Variants in FRAS1 observed in about 807,000 individuals in gnomAD.
The protein encoded by FRAS1 is extracellular matrix organizing protein FRAS1.
Under a neutral mutation model 435.2 loss-of-function variants are expected in FRAS1, and 290 were observed. That is an observed-to-expected ratio of 0.67 (90% CI 0.61 to 0.73). The LOEUF (loss-of-function observed/expected upper bound fraction) is 0.73, where lower values mean the gene tolerates loss of function less well. Among genes scored for constraint, FRAS1 ranks in the 30% least tolerant of loss-of-function variants. The probability of loss-of-function intolerance (pLI) is 0.00; values close to 1 mark genes in which losing one functional copy is unlikely to be tolerated. For missense variants in FRAS1, 4,860 were observed against 5,001.5 expected, an observed-to-expected ratio of 0.97 and a Z score of 0.85; for synonymous variants, 1,800 against 1,851.0, an observed-to-expected ratio of 0.97 and a Z score of 0.71.
chr4:78,497,391 TA>T (rs5859628), intron 60 of FRAS1, among the ~76,000 whole-genome samples: 24,145 of 146,034 alleles, frequency 0.17, 1,953 homozygotes, highest in Middle Eastern at 0.23. Flanking sequence ...CCTACTAACC[TA>T]AAAAAAAAAA....
intron 9 of FRAS1, among the ~76,000 whole-genome samples, chr4:78,276,920 C>T (rs1464423415): frequency 6.6e-6 from 1 of 152,198 alleles, no homozygotes; most frequent in African/African-American, 2.4e-5. Flanking sequence ...GAGGTGGAGT[C>T]TACAGAGGTA....
intron 20 of FRAS1, among the ~76,000 whole-genome samples, chr4:78,344,746 T>G (rs1240640020): frequency 6.6e-6 from 1 of 152,202 alleles, no homozygotes; most frequent in Non-Finnish European, 1.5e-5. Context: ...AGGAAGCTGA[T>G]TTAGACTGCC....
At chr4:78,151,635 C>T (rs1720666734) in intron 2 of FRAS1, among the ~76,000 whole-genome samples, 1 of 152,148 alleles carries the variant, frequency 6.6e-6, no homozygotes, top group Non-Finnish European at 1.5e-5. Flanking sequence ...AAGATAGTAA[C>T]ACACAAGTTC....
intron 61 of FRAS1, among the ~76,000 whole-genome samples, chr4:78,503,363 G>A (rs1197843602): frequency 1.3e-5 from 2 of 152,110 alleles, no homozygotes; most frequent in Non-Finnish European, 1.5e-5. Flanking sequence ...TTGGTTGTTA[G>A]GCTATTAATT....
intron 14 of FRAS1, among the ~76,000 whole-genome samples, chr4:78,303,286 T>A (rs987939795): frequency 3.9e-5 from 6 of 152,142 alleles, no homozygotes; most frequent in African/African-American, 1.4e-4. Flanking sequence ...TGAAGTCAGG[T>A]AGTGTGATGC....
Position 78,113,967 on chromosome 4 carries a change from A to C in FRAS1, c.108+47951A>C, listed in dbSNP as rs894832782. ...TAGGGTTTTTATGGTTTTAGGTCTA[A>C]CATGTAAGTCTTTAATCCATCTTGA... On this transcript the variant is annotated intron_variant, in intron 2 of 73. Coordinates refer to ENST00000512123, the MANE Select transcript of FRAS1 (RefSeq NM_025074.7). Among the ~76,000 whole-genome samples, 73 of 152,292 alleles carry C rather than the reference A, an allele frequency of 4.8e-4. 1 individual carries two copies. Among genetic ancestry groups the C allele is most frequent in the Non-Finnish European group, 7.2e-4 (49 of 68,008 alleles).
chr4:78,078,264 A>T (rs1318509356), intron 2 of FRAS1, among the ~76,000 whole-genome samples: 1 of 152,154 alleles, frequency 6.6e-6, no homozygotes, highest in African/African-American at 2.4e-5. Flanking sequence ...GCACTCTTCA[A>T]TTATTTCCTT....
At chr4:78,357,503 T>C (rs1486787610) in intron 20 of FRAS1, among the ~76,000 whole-genome samples, 1 of 152,188 alleles carries the variant, frequency 6.6e-6, no homozygotes, top group African/African-American at 2.4e-5. Context: ...CCTCTGCTTT[T>C]TCTTCCCCTT....
chr4:78,134,400 C>T (rs188513561), intron 2 of FRAS1, among the ~76,000 whole-genome samples: 1 of 152,234 alleles, frequency 6.6e-6, no homozygotes, highest in Admixed American at 6.5e-5. Context: ...CCTCTCATGT[C>T]AATGAGATAT....
chr4:78,218,294 C>T (rs990034156), intron 2 of FRAS1, among the ~76,000 whole-genome samples: 1 of 151,418 alleles, frequency 6.6e-6, no homozygotes, highest in Non-Finnish European at 1.5e-5. Context: ...AAATACAGCA[C>T]ACTAGGCTAC....
intron 59 of FRAS1, among the ~76,000 whole-genome samples, chr4:78,494,948 T>C (rs1720470362): frequency 6.6e-6 from 1 of 152,192 alleles, no homozygotes; most frequent in African/African-American, 2.4e-5. Context: ...TTACAGAATG[T>C]CACTAGAAGT....
chr4:78,227,669 G>T (rs561262031), intron 2 of FRAS1, among the ~76,000 whole-genome samples: 1 of 152,318 alleles, frequency 6.6e-6, no homozygotes, highest in East Asian at 1.9e-4. Flanking sequence ...CACAGCTGTG[G>T]CATGCCAGAT....
rs1284854536 is a variant in FRAS1 at position 78,522,814 on chromosome 4, T to C, written c.10808+6T>C. The C allele has an allele frequency of 1.3e-6, 2 of 1,598,774 alleles. No homozygotes were observed. The highest frequency in any genetic ancestry group is 1.4e-5 in the African/African-American group (1 of 74,072). Reference sequence around the variant, plus strand: ...GCCACAAGCTCTTATAACAGGTAAATACAGTGATGGAGGCCTCCATGGGTA... The same window carrying C: ...GCCACAAGCTCTTATAACAGGTAAACACAGTGATGGAGGCCTCCATGGGTA... On this transcript the variant is annotated splice_donor_region_variant and intron_variant, in intron 69 of 73. Transcript: ENST00000512123.
At chr4:78,210,925 C>T (rs1027777873) in intron 2 of FRAS1, among the ~76,000 whole-genome samples, 1 of 152,180 alleles carries the variant, frequency 6.6e-6, no homozygotes, top group Non-Finnish European at 1.5e-5. Context: ...ATGGGCACCC[C>T]ATGTCCGCAC....
At position 78,430,406 on chromosome 4, in the gene FRAS1, C is replaced by T. The variant is rs6813102; in HGVS notation, c.4958C>T (p.Pro1653Leu). The part of the protein sequence containing the change: ...LLKHTAEFRR[P>L]MATGDTFTYE... ...AAGCATACAGCTGAGTTCCGAAGGC[C>T]GATGGCCACAGGTAGCTACACACCT... is the stretch of plus-strand genomic sequence containing the variant. The change falls in exon 37 of 74, where the codon CCG (proline) becomes CTG (leucine). Residue 1653 changes from proline to leucine, a missense_variant. Transcript: ENST00000512123. 336 of 1,612,862 alleles carry T rather than the reference C, an allele frequency of 2.1e-4. No homozygotes were observed. In the African/African-American group the frequency reaches 3.4e-3, roughly 16 times the overall value.
At chr4:78,416,618 T>A (rs1034635934) in intron 32 of FRAS1, among the ~76,000 whole-genome samples, 1 of 151,990 alleles carries the variant, frequency 6.6e-6, no homozygotes, top group Admixed American at 6.6e-5. Flanking sequence ...GATATGCTGG[T>A]GAAGGGTGTG....
chr4:78,102,299 C>A (rs1159133712), intron 2 of FRAS1, among the ~76,000 whole-genome samples: 2 of 152,152 alleles, frequency 1.3e-5, no homozygotes, highest in Non-Finnish European at 2.9e-5. Flanking sequence ...TAATCCTCAC[C>A]TAAGTCCTTG....
intron 58 of FRAS1, among the ~76,000 whole-genome samples, chr4:78,483,770 C>CTT (rs1560752979): frequency 2.2e-5 from 1 of 45,206 alleles, no homozygotes; most frequent in African/African-American, 5.7e-5. Flanking sequence ...AAAAAAAACT[C>CTT]TCTCTCTCTC....
chr4:78,160,109 T>G (rs552083257), intron 2 of FRAS1, among the ~76,000 whole-genome samples: 1 of 152,318 alleles, frequency 6.6e-6, no homozygotes, highest in South Asian at 2.1e-4. Context: ...GTGCCTGTGA[T>G]TTGTGATTTT....
Sources: gnomAD v4.1 joint callset for allele counts (sites outside exome capture counted in the v4.1 genomes callset) on GRCh38, gnomAD v4.1.1 for gene constraint, MANE v1.5 for transcripts, NCBI Gene and HGNC (gene_info 2026-07-23, HGNC 2026-07-21) for gene names.